Variants in MBD5 observed in about 807,000 individuals in gnomAD.
MBD5 encodes methyl-CpG-binding domain protein 5.
A neutral mutation model predicts 117.3 loss-of-function variants in MBD5; 13 were observed. The ratio of observed to expected loss-of-function variants is 0.11; its 90% CI spans 0.07 to 0.18. The LOEUF (loss-of-function observed/expected upper bound fraction) is 0.18. Among genes scored for constraint, MBD5 ranks in the 10% least tolerant of loss-of-function variants. The pLI, the probability that MBD5 is intolerant of heterozygous loss-of-function variation, is 1.00. For missense variants in MBD5, 1,879 were observed against 2,093.8 expected (o/e 0.90, Z 2.00); for synonymous variants, 727 against 766.4 (o/e 0.95, Z 0.85).
chr2:148,349,994 CT>C (rs1205158835), intron 4 of MBD5, among the ~76,000 whole-genome samples: 1 of 151,910 alleles, frequency 6.6e-6, no homozygotes, highest in Non-Finnish European at 1.5e-5. Flanking sequence ...AAACATTTAT[CT>C]TAACACTGGA....
At position 148,312,116 on chromosome 2, in the gene MBD5, C is replaced by T. The variant is rs573791040; in HGVS notation, c.-679-30098C>T. Among the ~76,000 whole-genome samples, 6 of 152,168 alleles carry T rather than the reference C, an allele frequency of 3.9e-5. No individual in the cohort carries two copies. In the South Asian group the frequency reaches 1.2e-3, roughly 32 times the overall value. ...TCATTTCAACCTTGGTGAATCTGAC[C>T]ATTATGTGTCTTGTGGTTGCTCTTC... On this transcript the variant is annotated intron_variant, in intron 3 of 13. Coordinates refer to ENST00000642680, the MANE Select transcript of MBD5 (RefSeq NM_001378120.1).
At chr2:148,324,697 T>G (rs1299113331) in intron 3 of MBD5, among the ~76,000 whole-genome samples, 1 of 152,132 alleles carries the variant, frequency 6.6e-6, no homozygotes, top group Non-Finnish European at 1.5e-5. Flanking sequence ...ATCCTGAGAC[T>G]TTGCTGAAGT....
chr2:148,037,665 C>T lies in MBD5; in HGVS notation c.-925+15981C>T, dbSNP rs558449244. Among the ~76,000 whole-genome samples, 60 of 151,996 alleles carry T rather than the reference C, an allele frequency of 3.9e-4. No individual in the cohort carries two copies. In the South Asian group the frequency reaches 0.012, roughly 31 times the overall value. On this transcript the variant is annotated intron_variant, in intron 1 of 13. Coordinates refer to ENST00000642680, the MANE Select transcript of MBD5 (RefSeq NM_001378120.1). Reference sequence around the variant, plus strand: ...AAAAACAGAATGTGCAGTGTATTCGCATTATAAATGCAGTTAGGAAAAATG... The same window carrying T: ...AAAAACAGAATGTGCAGTGTATTCGTATTATAAATGCAGTTAGGAAAAATG...
intron 4 of MBD5, among the ~76,000 whole-genome samples, chr2:148,386,718 CAAAAAAAAAAAAAAA>C (rs60766324): frequency 8.6e-5 from 9 of 104,232 alleles, no homozygotes; most frequent in Non-Finnish European, 1.8e-4. Flanking sequence ...GACTCCGTCT[CAAAAAAAAAAAAAAA>C]AAAAAAAAAA....
intron 4 of MBD5, among the ~76,000 whole-genome samples, chr2:148,348,859 G>T (rs929694205): frequency 1.3e-5 from 2 of 151,776 alleles, no homozygotes; most frequent in Non-Finnish European, 2.9e-5. Context: ...GTTCAGAACT[G>T]GTTTGCTTTC....
chr2:148,286,248 TCTTG>T (rs1701366578), intron 3 of MBD5, among the ~76,000 whole-genome samples: 1 of 152,240 alleles, frequency 6.6e-6, no homozygotes, highest in Non-Finnish European at 1.5e-5. Flanking sequence ...TCTGAATGAT[TCTTG>T]CTTTTTATCA....
intron 1 of MBD5, among the ~76,000 whole-genome samples, chr2:148,149,338 A>G (rs1387014089): frequency 7.4e-6 from 1 of 135,214 alleles, no homozygotes; most frequent in African/African-American, 2.8e-5. Flanking sequence ...CCAGTCTATC[A>G]TTGTTGGACA....
chr2:148,388,018 G>C (rs1704430957), intron 4 of MBD5, among the ~76,000 whole-genome samples: 1 of 152,186 alleles, frequency 6.6e-6, no homozygotes, highest in Non-Finnish European at 1.5e-5. Context: ...GCATGGAATA[G>C]CCAAGAGACG....
chr2:148,292,864 T>C (rs543646969), intron 3 of MBD5, among the ~76,000 whole-genome samples: 4 of 150,750 alleles, frequency 2.7e-5, no homozygotes, highest in African/African-American at 7.3e-5. Context: ...ATGTGGTACC[T>C]ATACACAACA....
At chr2:148,124,171 T>A (rs1169474720) in intron 1 of MBD5, among the ~76,000 whole-genome samples, 1 of 152,010 alleles carries the variant, frequency 6.6e-6, no homozygotes, top group Non-Finnish European at 1.5e-5. Flanking sequence ...TCCCAGCTAC[T>A]TGGGAGACTG....
rs1225761342 is a variant in MBD5 at position 148,145,708 on chromosome 2, A to G, written c.-924-32992A>G. Among the ~76,000 whole-genome samples the G allele has an allele frequency of 1.6e-4, 24 of 152,198 alleles. 1 individual carries two copies. Among genetic ancestry groups the G allele is most frequent in the Admixed American group, 1.6e-3 (24 of 15,280 alleles). The stretch of plus-strand genomic sequence containing the variant: ...CTTTTCTGCATGTATTGAGATAATC[A>G]TATGGTTTTTGTCTTTGGTCTGCTT... On this transcript the variant is annotated intron_variant, in intron 1 of 13. Transcript: ENST00000642680.
chr2:148,108,930 T>C (rs879815752), intron 1 of MBD5, among the ~76,000 whole-genome samples: 3 of 152,158 alleles, frequency 2.0e-5, no homozygotes, highest in Non-Finnish European at 4.4e-5. Flanking sequence ...AAGTCACTGG[T>C]AATACCAAAA....
intron 3 of MBD5, among the ~76,000 whole-genome samples, chr2:148,258,486 G>A (rs925900662): frequency 2.6e-5 from 4 of 152,104 alleles, no homozygotes; most frequent in Admixed American, 6.5e-5. Flanking sequence ...CCAGTGGATC[G>A]CTAATTCCAC....
In MBD5 at chr2:148,445,251, A is replaced by G. The variant is rs1260899563; in HGVS notation, c.-556-12952A>G. Among the ~76,000 whole-genome samples, 2 of 150,960 alleles carry G rather than the reference A, an allele frequency of 1.3e-5. 1 individual carries two copies. Among genetic ancestry groups the G allele is most frequent in the African/African-American group, 4.9e-5 (2 of 40,434 alleles). ...TGCTGCACCCATTAACTCGTCATTTACATTAGGTGTATCTCCTAATGCTAT... is the reference window on the plus strand; with the variant it reads ...TGCTGCACCCATTAACTCGTCATTTGCATTAGGTGTATCTCCTAATGCTAT... On this transcript the variant is annotated intron_variant, in intron 4 of 13. Transcript: ENST00000642680.
intron 2 of MBD5, among the ~76,000 whole-genome samples, chr2:148,206,254 G>A (rs558780998): frequency 6.6e-5 from 10 of 152,184 alleles, no homozygotes; most frequent in African/African-American, 2.4e-4. Flanking sequence ...TCTGTTAGAT[G>A]CCCACTGTCA....
At chr2:148,504,024 A>AG (rs1490401115) in intron 12 of MBD5, among the ~76,000 whole-genome samples, 3 of 152,256 alleles carry the variant, frequency 2.0e-5, no homozygotes, top group African/African-American at 7.2e-5. Flanking sequence ...ATATTCAAAT[A>AG]CACTGCCTTG....
Position 148,458,332 on chromosome 2 carries a change from T to C in MBD5, c.-427T>C, listed in dbSNP as rs1706947975. On this transcript the variant is annotated 5_prime_UTR_variant, in exon 5 of 14. The change abolishes the stop of an existing upstream ORF in the 5' untranslated region. Coordinates refer to ENST00000642680, the MANE Select transcript of MBD5 (RefSeq NM_001378120.1). Reference sequence around the variant, plus strand: ...TATAAAGGCGGGTACCTGGAAATATTAACCGACTCACACTGTAAAAATGAG... The same window carrying C: ...TATAAAGGCGGGTACCTGGAAATATCAACCGACTCACACTGTAAAAATGAG... The C allele has an allele frequency of 2.4e-6, 1 of 413,790 alleles. No individual in the cohort carries two copies. The highest frequency in any genetic ancestry group is 3.4e-5 in the East Asian group (1 of 29,296). The allele number at this position is 413,790 out of a possible 1,614,324, so 25.6% of individuals were successfully genotyped here.
chr2:148,154,797 C>T (rs71202108), intron 1 of MBD5, among the ~76,000 whole-genome samples: 3 of 152,162 alleles, frequency 2.0e-5, no homozygotes, highest in Non-Finnish European at 2.9e-5. Flanking sequence ...GGCTCGCGCA[C>T]GGTGCACACA....
chr2:148,369,524 T>C (rs1703795465), intron 4 of MBD5, among the ~76,000 whole-genome samples: 1 of 152,106 alleles, frequency 6.6e-6, no homozygotes, highest in South Asian at 2.1e-4. Context: ...AGCAGATAGA[T>C]GCTAAGATGA....
Sources: gnomAD v4.1 joint callset for allele counts (sites outside exome capture counted in the v4.1 genomes callset) on GRCh38, gnomAD v4.1.1 for gene constraint, MANE v1.5 for transcripts, NCBI Gene and HGNC (gene_info 2026-07-23, HGNC 2026-07-21) for gene names.